PARN: variants seen among roughly 807,000 people sequenced by gnomAD.
The protein encoded by PARN is poly(A)-specific ribonuclease PARN.
In PARN, 71 loss-of-function variants were observed where a neutral mutation model predicts 102.8. The observed-to-expected ratio is 0.69, with a 90% CI of 0.57 to 0.84. The LOEUF (loss-of-function observed/expected upper bound fraction) is 0.84. Among genes scored for constraint, PARN ranks in the 40% least tolerant of loss-of-function variants. The pLI, the probability that PARN is intolerant of heterozygous loss-of-function variation, is 0.00. For missense variants in PARN, 782 were observed against 760.9 expected, an observed-to-expected ratio of 1.03 and a Z score of -0.33; for synonymous variants, 261 against 252.9, an observed-to-expected ratio of 1.03 and a Z score of -0.30.
chr16:14,437,465 T>C (rs968126160), intron 23 of PARN, among the ~76,000 whole-genome samples: 14 of 152,184 alleles, frequency 9.2e-5, no homozygotes, highest in Non-Finnish European at 1.9e-4. Flanking sequence ...TCTTCTTGGA[T>C]TGAAAAGATC....
chr16:14,538,171 G>T (rs1404307511), intron 21 of PARN, among the ~76,000 whole-genome samples: 1 of 149,858 alleles, frequency 6.7e-6, no homozygotes, highest in Non-Finnish European at 1.5e-5. Context: ...TTACTAGGTT[G>T]TAAGATCATG....
intron 20 of PARN, among the ~76,000 whole-genome samples, 160 bp from the exon 21 acceptor site, chr16:14,552,255 C>T (rs1442408254): frequency 6.6e-6 from 1 of 152,090 alleles, no homozygotes; most frequent in Admixed American, 6.5e-5. Context: ...GAGAGTTAGC[C>T]TGTTCAAAGG....
intron 22 of PARN, among the ~76,000 whole-genome samples, chr16:14,462,351 GAACA>G (rs1322041064): frequency 1.3e-5 from 2 of 151,522 alleles, no homozygotes; most frequent in African/African-American, 4.9e-5. Context: ...CAATAGAAGG[GAACA>G]AACAAAGACA....
intron 22 of PARN, among the ~76,000 whole-genome samples, chr16:14,448,171 CAG>C (rs1961289234): frequency 6.6e-6 from 1 of 151,050 alleles, no homozygotes; most frequent in African/African-American, 2.4e-5. Context: ...TTCCCTGAGA[CAG>C]AGTCTCGCTC....
At chr16:14,555,892 G>A (rs1007552162) in intron 18 of PARN, among the ~76,000 whole-genome samples, 183 bp from the exon 19 acceptor site, 2 of 151,850 alleles carry the variant, frequency 1.3e-5, no homozygotes, top group Non-Finnish European at 2.9e-5. Context: ...TTTAGATGGA[G>A]TTTCACTCTG....
At chr16:14,574,823 G>A (rs1376094829) in intron 18 of PARN, among the ~76,000 whole-genome samples, 3 of 152,220 alleles carry the variant, frequency 2.0e-5, no homozygotes, top group East Asian at 3.8e-4. Flanking sequence ...TCCAGGGCGT[G>A]TCAGAGGTCT....
In PARN at chr16:14,589,959, C is replaced by T. The variant is rs1050163045; in HGVS notation, c.918+3342G>A. ...ACATTAGCTCATTAGACTTAAGAAA[C>T]GCAAATCCAGGCCAAGCCCGGTGGC... On this transcript the variant is annotated intron_variant, in intron 13 of 23. Coordinates refer to ENST00000437198, the MANE Select transcript of PARN (RefSeq NM_002582.4). Among the ~76,000 whole-genome samples, 4 of 151,396 alleles carry T rather than the reference C, an allele frequency of 2.6e-5. No individual in the cohort carries two copies. The East Asian group carries it at 5.9e-4, about 22-fold the overall frequency.
At position 14,610,501 on chromosome 16, in the gene PARN, A is replaced by C. The variant is rs1390614327; in HGVS notation, c.554+143T>G. ...AAAAAAAAAAAAAATTTTTTTTTTA[A>C]TATGCCACAATTATATCCTGCCATT... On this transcript the variant is annotated intron_variant, in intron 7 of 23. Transcript: ENST00000437198. 2.1e-6 allele frequency: 1 copy of C among 478,340 alleles called. No individual in the cohort carries two copies. Among genetic ancestry groups the C allele is most frequent in the Non-Finnish European group, 3.7e-6 (1 of 272,740 alleles). The allele number at this position is 478,340 out of a possible 1,614,324, so 29.6% of individuals were successfully genotyped here. A position where few individuals can be genotyped will look rare whatever the true frequency, so the allele number is the denominator to read the frequency against.
At chr16:14,438,293 C>G (rs149373508) in intron 23 of PARN, among the ~76,000 whole-genome samples, 12,770 of 152,154 alleles carry the variant, frequency 0.084, 775 homozygotes, top group African/African-American at 0.17. Context: ...AGCCAATTAG[C>G]CATTCTAAAG....
At chr16:14,524,001 G>T (rs1019407433) in intron 21 of PARN, among the ~76,000 whole-genome samples, 2 of 152,006 alleles carry the variant, frequency 1.3e-5, no homozygotes, top group East Asian at 3.9e-4. Flanking sequence ...TAACACAATG[G>T]TTAAGTATTT....
At position 14,583,061 on chromosome 16, in the gene PARN, G is replaced by A. The variant is rs542488067; in HGVS notation, c.1082-770C>T. On this transcript the variant is annotated intron_variant, in intron 16 of 23. Coordinates refer to ENST00000437198, the MANE Select transcript of PARN (RefSeq NM_002582.4). ...GCACAACCAACTCCAAAAATAAATC[G>A]AACTTGCTATAATGCTGGCCTTGGA... 3.9e-5 allele frequency among the ~76,000 whole-genome samples: 6 copies of A among 152,200 alleles called. No homozygotes were observed. In the East Asian group the frequency reaches 5.8e-4, roughly 15 times the overall value.
chr16:14,502,678 G>A (rs995979294), intron 21 of PARN, among the ~76,000 whole-genome samples: 1 of 152,150 alleles, frequency 6.6e-6, no homozygotes, highest in African/African-American at 2.4e-5. Flanking sequence ...ACTCTACTTG[G>A]TACCTAGCAA....
In PARN at chr16:14,436,266, C is replaced by T. The variant is rs1332899909; in HGVS notation, c.*451G>A. ...ACCGATTTTTCCACTGGGAGACTAA[C>T]CGAGGGCTGCAACTGCCTCAAAATC... On this transcript the variant is annotated 3_prime_UTR_variant, in exon 24 of 24. Coordinates refer to ENST00000437198, the MANE Select transcript of PARN (RefSeq NM_002582.4). The T allele has an allele frequency of 6.4e-6, 1 of 157,282 alleles. No individual in the cohort carries two copies. Among genetic ancestry groups the T allele is most frequent in the Non-Finnish European group, 1.4e-5 (1 of 71,388 alleles). The allele number at this position is 157,282 out of a possible 1,614,324, so 9.7% of individuals were successfully genotyped here.
intron 12 of PARN, among the ~76,000 whole-genome samples, chr16:14,596,431 C>T (rs1024272112): frequency 6.6e-6 from 1 of 151,620 alleles, no homozygotes; most frequent in Admixed American, 6.6e-5. Context: ...TACATAAAAA[C>T]CATTAAATAA....
chr16:14,585,255 A>C (rs933836577), intron 14 of PARN, among the ~76,000 whole-genome samples: 4 of 152,132 alleles, frequency 2.6e-5, no homozygotes, highest in African/African-American at 7.2e-5. Context: ...CAAAATCTAC[A>C]ATCAGTACTT....
intron 22 of PARN, among the ~76,000 whole-genome samples, chr16:14,465,433 AAT>A (rs1383821218): frequency 6.6e-6 from 1 of 152,234 alleles, no homozygotes; most frequent in African/African-American, 2.4e-5. Context: ...CTAAATAAGA[AAT>A]ATAACAATGT....
At chr16:14,458,893 C>T (rs775335359) in intron 22 of PARN, among the ~76,000 whole-genome samples, 11 of 152,094 alleles carry the variant, frequency 7.2e-5, no homozygotes, top group Non-Finnish European at 1.5e-4. Context: ...GACAGTGAGG[C>T]GAAATGAGCT....
At chr16:14,518,273 C>G (rs1316597296) in intron 21 of PARN, among the ~76,000 whole-genome samples, 1 of 80,560 alleles carries the variant, frequency 1.2e-5, no homozygotes, top group Non-Finnish European at 2.2e-5. Context: ...GCCTAGGCAA[C>G]AGAGTAAGAC....
chr16:14,497,111 C>T (rs541186406), intron 21 of PARN, among the ~76,000 whole-genome samples: 45 of 152,284 alleles, frequency 3.0e-4, no homozygotes, highest in African/African-American at 1.0e-3. Flanking sequence ...ACAATACCTA[C>T]TTTTACTACA....
Sources: gnomAD v4.1 joint callset for allele counts (sites outside exome capture counted in the v4.1 genomes callset) on GRCh38, gnomAD v4.1.1 for gene constraint, MANE v1.5 for transcripts, NCBI Gene and HGNC (gene_info 2026-07-23, HGNC 2026-07-21) for gene names.